Variants in KCNH8 observed in about 807,000 individuals in gnomAD.
KCNH8 encodes potassium voltage-gated channel subfamily H member 8.
KCNH8 carries 70 observed loss-of-function variants against 103.6 expected under a neutral mutation model. The ratio of observed to expected loss-of-function variants is 0.68; its 90% confidence interval spans 0.56 to 0.82. The LOEUF (loss-of-function observed/expected upper bound fraction) is 0.82. KCNH8 is among the 40% of genes least tolerant of loss of function. KCNH8 has a pLI of 0.00. For missense variants in KCNH8, 1,217 were observed against 1,329.9 expected (o/e 0.92, Z 1.32); for synonymous variants, 498 against 489.4 (o/e 1.02, Z -0.23).
rs544915331 is a variant in KCNH8, at chr3:19,432,225, C to T, written c.1178-5939C>T. 1.1e-4 allele frequency among the ~76,000 whole-genome samples: 17 copies of T among 152,108 alleles called. No homozygotes were observed. The East Asian group carries it at 1.5e-3, about 14-fold the overall frequency. On this transcript the variant is annotated intron_variant, in intron 7 of 15. Coordinates refer to ENST00000328405, the MANE Select transcript of KCNH8 (RefSeq NM_144633.3). ...CCCCTCCAATATTTTTGGAAAAAAA[C>T]GTGATTAGAATTTTCTTTTGAAGTT...
At chr3:19,354,911 C>G (rs1481448770) in intron 5 of KCNH8, among the ~76,000 whole-genome samples, 1 of 152,176 alleles carries the variant, frequency 6.6e-6, no homozygotes, top group African/African-American at 2.4e-5. Context: ...AGCTTCTGCA[C>G]TGCAAAAGAA....
chr3:19,527,247 T>C (rs2069081412), intron 15 of KCNH8, among the ~76,000 whole-genome samples: 2 of 152,018 alleles, frequency 1.3e-5, no homozygotes. Context: ...TTAAGTAAAA[T>C]TGTTACTGGG....
intron 5 of KCNH8, among the ~76,000 whole-genome samples, chr3:19,355,819 G>A (rs186594273): frequency 3.0e-3 from 461 of 151,670 alleles, no homozygotes; most frequent in African/African-American, 0.01. Context: ...CCAACATGGC[G>A]CATGTATACA....
At chr3:19,291,179 C>G (rs1176063500) in intron 3 of KCNH8, among the ~76,000 whole-genome samples, 2 of 152,052 alleles carry the variant, frequency 1.3e-5, no homozygotes, top group Non-Finnish European at 2.9e-5. Context: ...TTTTATTGAT[C>G]TTTTCAAAAA....
chr3:19,498,014 T>A (rs2068482332), intron 11 of KCNH8, among the ~76,000 whole-genome samples: 1 of 152,212 alleles, frequency 6.6e-6, no homozygotes, highest in Non-Finnish European at 1.5e-5. Flanking sequence ...TCTTTTTTGG[T>A]CTTTGTTGGT....
intron 1 of KCNH8, among the ~76,000 whole-genome samples, chr3:19,215,350 A>G (rs908868376): frequency 6.6e-6 from 1 of 152,202 alleles, no homozygotes. Flanking sequence ...TTATTGGGGA[A>G]CGGGGTAGAG....
intron 7 of KCNH8, among the ~76,000 whole-genome samples, chr3:19,428,566 T>C (rs1439089974): frequency 2.0e-5 from 3 of 152,238 alleles, no homozygotes; most frequent in Admixed American, 6.5e-5. Flanking sequence ...AAGCCTTATA[T>C]TGAATGCTTG....
rs947903635 is a variant in KCNH8, at chr3:19,390,696, C to A, written c.969+58C>A. On this transcript the variant is annotated intron_variant, in intron 6 of 15. Transcript: ENST00000328405. ...AAGGTTGATTTATTTATCGCATGTT[C>A]AGGTTTTAAATGCTTGTGGCGATTT... The A allele has an allele frequency of 7.9e-6, 12 of 1,527,556 alleles. No homozygotes were observed. The Admixed American group carries it at 2.2e-4, about 28-fold the overall frequency. 94.6% of individuals were successfully genotyped at this position (1,527,556 alleles called of 1,614,324 possible). A position where few individuals can be genotyped will look rare whatever the true frequency, so the allele number is the denominator to read the frequency against.
At chr3:19,329,135 A>G (rs572496839) in intron 3 of KCNH8, among the ~76,000 whole-genome samples, 1 of 152,286 alleles carries the variant, frequency 6.6e-6, no homozygotes, top group Admixed American at 6.5e-5. Flanking sequence ...TAGGATTCCA[A>G]TGTGCCATAA....
chr3:19,234,346 T>C (rs1368461384), intron 1 of KCNH8, among the ~76,000 whole-genome samples: 2 of 152,086 alleles, frequency 1.3e-5, no homozygotes, highest in African/African-American at 4.8e-5. Context: ...GCGCCGCTCG[T>C]GGGGAGGCTC....
At chr3:19,188,644 G>C (rs904580526) in intron 1 of KCNH8, among the ~76,000 whole-genome samples, 2 of 151,946 alleles carry the variant, frequency 1.3e-5, no homozygotes, top group African/African-American at 2.4e-5. Flanking sequence ...GCCATTATTT[G>C]CTTAGCTACA....
rs377744811 is a variant in KCNH8, at chr3:19,385,004, G to A, written c.812-5477G>A. Among the ~76,000 whole-genome samples the A allele has an allele frequency of 3.3e-5, 5 of 152,018 alleles. No individual in the cohort carries two copies. The East Asian group carries it at 5.8e-4, about 18-fold the overall frequency. On this transcript the variant is annotated intron_variant, in intron 5 of 15. Transcript: ENST00000328405. ...AACCACCAAACTAGAGAGTATCATCGGGCCTATGAAGAGGAAACCATATCA... is the reference window on the plus strand; with the variant it reads ...AACCACCAAACTAGAGAGTATCATCAGGCCTATGAAGAGGAAACCATATCA...
At chr3:19,355,102 C>T (rs939090950) in intron 5 of KCNH8, among the ~76,000 whole-genome samples, 23 of 152,168 alleles carry the variant, frequency 1.5e-4, no homozygotes, top group African/African-American at 5.1e-4. Flanking sequence ...CAAAAGAAGA[C>T]ATTTATGCAG....
intron 3 of KCNH8, among the ~76,000 whole-genome samples, chr3:19,326,450 G>A (rs2065426576): frequency 6.7e-6 from 1 of 150,332 alleles, no homozygotes; most frequent in Admixed American, 6.6e-5. Flanking sequence ...CAGAGCCAAG[G>A]CTCTGCAAAA....
chr3:19,175,135 A>G (rs978724411), intron 1 of KCNH8, among the ~76,000 whole-genome samples: 1 of 152,170 alleles, frequency 6.6e-6, no homozygotes, highest in Non-Finnish European at 1.5e-5. Context: ...TTGTCTAAAT[A>G]TAGTAATATA....
chr3:19,524,547 T>TACTG (rs2069029483), intron 15 of KCNH8, among the ~76,000 whole-genome samples: 2 of 151,906 alleles, frequency 1.3e-5, no homozygotes, highest in African/African-American at 4.8e-5. Context: ...ATGAGAATTT[T>TACTG]ACTGACTTTA....
chr3:19,164,198 A>G (rs2063260561), intron 1 of KCNH8, among the ~76,000 whole-genome samples: 1 of 152,184 alleles, frequency 6.6e-6, no homozygotes, highest in African/African-American at 2.4e-5. Flanking sequence ...AGACATGTTT[A>G]TTGTGCTCAC....
chr3:19,311,854 T>C (rs1276889224), intron 3 of KCNH8, among the ~76,000 whole-genome samples: 3 of 151,922 alleles, frequency 2.0e-5, no homozygotes, highest in African/African-American at 7.2e-5. Flanking sequence ...GAGAACTGAG[T>C]TAACACAGAG....
intron 7 of KCNH8, among the ~76,000 whole-genome samples, chr3:19,429,828 T>C (rs2067093123): frequency 6.6e-6 from 1 of 152,204 alleles, no homozygotes; most frequent in Non-Finnish European, 1.5e-5. Flanking sequence ...CATTTGGTTT[T>C]CTTTTCCTGC....
Sources: gnomAD v4.1 joint callset for allele counts (sites outside exome capture counted in the v4.1 genomes callset) on GRCh38, gnomAD v4.1.1 for gene constraint, MANE v1.5 for transcripts, NCBI Gene and HGNC (gene_info 2026-07-23, HGNC 2026-07-21) for gene names.